ATP11A: variants seen among roughly 807,000 people sequenced by gnomAD.
ATP11A encodes the protein ATPase phospholipid transporting 11A, also known as phospholipid-transporting ATPase IH.
ATP11A carries 81 observed loss-of-function variants against 154.4 expected under a neutral mutation model. The observed-to-expected ratio is 0.52, with a 90% CI of 0.44 to 0.63. The LOEUF is 0.63. Ranked by LOEUF, ATP11A falls within the 30% of genes least tolerant of loss-of-function variation. The probability of loss-of-function intolerance (pLI) is 0.00; values close to 1 mark genes in which losing one functional copy is unlikely to be tolerated. For missense variants in ATP11A, 1,316 were observed against 1,474.3 expected, an observed-to-expected ratio of 0.89 and a Z score of 1.76; for synonymous variants, 623 against 585.9, an observed-to-expected ratio of 1.06 and a Z score of -0.91.
intron 1 of ATP11A, among the ~76,000 whole-genome samples, chr13:112,764,247 G>A (rs934711653): frequency 1.3e-5 from 2 of 152,168 alleles, no homozygotes; most frequent in South Asian, 2.1e-4. Context: ...TGGACACTTC[G>A]CCTCTGACAC....
Position 112,836,210 on chromosome 13 carries a change from C to G in ATP11A, c.1664C>G (p.Ser555Ter). 6.2e-7 allele frequency: 1 copy of G among 1,612,784 alleles called. No individual in the cohort carries two copies. The change falls in exon 16 of 30, where the codon TCA becomes TGA. Residue 555 changes from serine to a stop codon, truncating the protein, a stop_gained. Transcript: ENST00000375645. LOFTEE classifies it high-confidence loss of function. ...TTGCTGGAAATTTTGAGTTTTGACT[C>G]AGTCAGAAGGAGAATGAGTGTAATT... is the stretch of plus-strand genomic sequence containing the variant. The part of the protein sequence containing the change: ...FELLEILSFD[S>*]VRRRMSVIVK...
At chr13:112,694,218 G>C (rs1157681453) in intron 1 of ATP11A, among the ~76,000 whole-genome samples, 1 of 152,194 alleles carries the variant, frequency 6.6e-6, no homozygotes, top group Non-Finnish European at 1.5e-5. Context: ...CTGAGGGTAA[G>C]AGCAGTACTC....
intron 1 of ATP11A, chr13:112,745,898 C>T (rs1306554697): frequency 6.6e-6 from 1 of 152,236 alleles, no homozygotes; most frequent in Non-Finnish European, 1.5e-5. Flanking sequence ...AAAACTCAGC[C>T]TCTGGGCCGT....
intron 1 of ATP11A, among the ~76,000 whole-genome samples, chr13:112,740,963 G>A (rs1229172803): frequency 6.6e-6 from 1 of 152,240 alleles, no homozygotes; most frequent in Non-Finnish European, 1.5e-5. Context: ...TTTTAAAATA[G>A]TGCGTTTTCA....
intron 10 of ATP11A, 28 bp downstream of exon 10, chr13:112,824,453 C>T (rs1480269710): frequency 1.2e-6 from 2 of 1,603,762 alleles, no homozygotes; most frequent in African/African-American, 2.7e-5. Flanking sequence ...TGAGAACCTG[C>T]AACTTAAAAG....
chr13:112,879,048 A>G (rs1217097508), intron 29 of ATP11A, among the ~76,000 whole-genome samples: 2 of 152,248 alleles, frequency 1.3e-5, no homozygotes, highest in Non-Finnish European at 2.9e-5. Context: ...GGTGGTGTCC[A>G]TGATAAGAGC....
intron 6 of ATP11A, among the ~76,000 whole-genome samples, chr13:112,818,949 G>A (rs750166979): frequency 2.0e-5 from 3 of 152,204 alleles, no homozygotes; most frequent in Non-Finnish European, 2.9e-5. Context: ...ACCGCTCCCC[G>A]TAAACAACAG....
At chr13:112,854,639 G>A (rs576859934) in intron 19 of ATP11A, 109 bp downstream of exon 19, 42 of 1,337,632 alleles carry the variant, frequency 3.1e-5, no homozygotes, top group Non-Finnish European at 3.2e-5. Flanking sequence ...CTGGGAATTC[G>A]GTTCTCCCCT....
rs117964572 is a variant in ATP11A, at chr13:112,708,143, A to C, written c.39+17688A>C. ...CTCTCACCAACCAGCTACCACTTCA[A>C]GCATCTCGACAACTTTTACAGGGAA... On this transcript the variant is annotated intron_variant, in intron 1 of 29. Transcript: ENST00000375645. Among the ~76,000 whole-genome samples the C allele has an allele frequency of 3.6e-3, 224 of 62,764 alleles. 7 individuals carry two copies. In the East Asian group the frequency reaches 0.083, roughly 23 times the overall value. 41.2% of individuals were successfully genotyped at this position (62,764 alleles called of 152,430 possible).
chr13:112,852,474 C>T (rs1481594922), intron 18 of ATP11A, among the ~76,000 whole-genome samples: 4 of 152,290 alleles, frequency 2.6e-5, no homozygotes, highest in Admixed American at 1.3e-4. Flanking sequence ...CACAGAGCAC[C>T]GTGTAAAGAA....
In ATP11A at chr13:112,843,065, G is replaced by A. The variant is rs530787621; in HGVS notation, c.1809+686G>A. Among the ~76,000 whole-genome samples the A allele has an allele frequency of 5.9e-4, 90 of 151,992 alleles. No individual in the cohort carries two copies. The South Asian group carries it at 6.7e-3, about 11-fold the overall frequency. ...CAGACACCTTAACTCCGGGTGATGC[G>A]TGGCTGGGTGGACATGCTCCCTCCT... On this transcript the variant is annotated intron_variant, in intron 17 of 29. Coordinates refer to ENST00000375645, the MANE Select transcript of ATP11A (RefSeq NM_015205.3).
intron 1 of ATP11A, among the ~76,000 whole-genome samples, chr13:112,712,780 A>G (rs1302937362): frequency 6.6e-6 from 1 of 152,180 alleles, no homozygotes; most frequent in African/African-American, 2.4e-5. Flanking sequence ...TGTCCACTGG[A>G]AAAAATAAAG....
chr13:112,867,744 G>A (rs1002920706), intron 25 of ATP11A, among the ~76,000 whole-genome samples: 3 of 152,204 alleles, frequency 2.0e-5, no homozygotes, highest in Admixed American at 6.5e-5. Context: ...CACGGAACCC[G>A]CGTGCAGCCC....
In ATP11A at chr13:112,882,136, A is replaced by G. The variant is rs2140456534; in HGVS notation, c.*270A>G. The G allele has an allele frequency of 5.3e-6, 7 of 1,325,384 alleles. No individual in the cohort carries two copies. In the South Asian group the frequency reaches 7.3e-5, roughly 14 times the overall value. 82.1% of individuals were successfully genotyped at this position (1,325,384 alleles called of 1,614,324 possible). ...CCCCCAGCAGGCAAGGAGGGGGGTC[A>G]CAGGCCTTGCCCTCGAGCATGGCAC... On this transcript the variant is annotated 3_prime_UTR_variant, in exon 30 of 30. Coordinates refer to ENST00000375645, the MANE Select transcript of ATP11A (RefSeq NM_015205.3). This position sits in a 1 kb window ranked among gnomAD's most constrained non-coding sequence, Gnocchi z 5.1.
At chr13:112,755,002 G>A (rs1012185371) in intron 1 of ATP11A, among the ~76,000 whole-genome samples, 1 of 152,232 alleles carries the variant, frequency 6.6e-6, no homozygotes, top group African/African-American at 2.4e-5. Context: ...GGGCATCGTG[G>A]CCTCTGCAGT....
Position 112,824,434 on chromosome 13 carries a change from G to C in ATP11A, c.872+9G>C, listed in dbSNP as rs2078880308. On this transcript the variant is annotated intron_variant, in intron 10 of 29. Coordinates refer to ENST00000375645, the MANE Select transcript of ATP11A (RefSeq NM_015205.3). ...CGATCTGCCGTGGAAAAGTAAGGCT[G>C]GATGCGCGTGAGAACCTGCAACTTA... 6.2e-7 allele frequency: 1 copy of C among 1,613,094 alleles called. No homozygotes were observed. The highest frequency in any genetic ancestry group is 2.2e-5 in the East Asian group (1 of 44,878).
At chr13:112,732,013 T>C (rs1426420834) in intron 1 of ATP11A, among the ~76,000 whole-genome samples, 2 of 151,626 alleles carry the variant, frequency 1.3e-5, no homozygotes, top group Non-Finnish European at 2.9e-5. Context: ...GGTGAGACAG[T>C]GGCCCGCAGC....
intron 1 of ATP11A, among the ~76,000 whole-genome samples, chr13:112,774,953 C>T (rs2077310924): frequency 6.6e-6 from 1 of 152,226 alleles, no homozygotes; most frequent in African/African-American, 2.4e-5. Context: ...CGCAGAGTTG[C>T]AAGACCCTGG....
At chr13:112,789,290 C>T (rs1188699293) in intron 2 of ATP11A, among the ~76,000 whole-genome samples, 1 of 150,042 alleles carries the variant, frequency 6.7e-6, no homozygotes, top group African/African-American at 2.5e-5. Context: ...CTCCTTAATC[C>T]ACACCAGGTG....
Sources: allele counts gnomAD v4.1 joint callset (sites outside exome capture counted in the v4.1 genomes callset), GRCh38; gene constraint gnomAD v4.1.1; non-coding constraint Gnocchi (gnomAD v3.1); transcripts MANE v1.5; gene names NCBI Gene and HGNC (gene_info 2026-07-23, HGNC 2026-07-21).